The following CCDC102B variants were observed in gnomAD, a reference collection of about 807,000 sequenced individuals.
CCDC102B encodes coiled-coil domain-containing protein 102B.
In CCDC102B, 75 loss-of-function variants were observed where a neutral mutation model predicts 57.4. The ratio of observed to expected loss-of-function variants is 1.31; its 90% confidence interval spans 1.08 to 1.58. The LOEUF (loss-of-function observed/expected upper bound fraction) is 1.58, where lower values mean the gene tolerates loss of function less well. Ranked by LOEUF, CCDC102B falls within the 40% of genes most tolerant of loss-of-function variation. CCDC102B has a pLI of 0.00. For missense variants in CCDC102B, 636 were observed against 582.6 expected (o/e 1.09, Z -0.94); for synonymous variants, 206 against 201.9 (o/e 1.02, Z -0.17).
intron 2 of CCDC102B, among the ~76,000 whole-genome samples, chr18:68,748,769 T>C (rs577772559): frequency 8.5e-4 from 129 of 152,288 alleles, no homozygotes; most frequent in African/African-American, 3.0e-3. Context: ...AAGTGTAAAT[T>C]ATTTATGTAG....
At chr18:68,952,848 G>A (rs1050981934) in intron 6 of CCDC102B, among the ~76,000 whole-genome samples, 1 of 152,080 alleles carries the variant, frequency 6.6e-6, no homozygotes, top group Non-Finnish European at 1.5e-5. Context: ...TATATTGTTT[G>A]AATTTGCATT....
intron 6 of CCDC102B, chr18:68,897,895 C>T (rs1285619491): frequency 9.5e-6 from 2 of 209,500 alleles, no homozygotes; most frequent in South Asian, 6.1e-5. Flanking sequence ...AGTTTCAGAA[C>T]GATTATTTTT....
At chr18:68,863,262 A>G (rs1305380524) in intron 4 of CCDC102B, among the ~76,000 whole-genome samples, 1 of 151,788 alleles carries the variant, frequency 6.6e-6, no homozygotes, top group Non-Finnish European at 1.5e-5. Context: ...TTTATCCTGT[A>G]GAGTTTTAAT....
rs1230693253 is a variant in CCDC102B, at chr18:68,956,461, T to TTA, written c.1264-54463_1264-54462dup. 2.0e-3 allele frequency among the ~76,000 whole-genome samples: 15 copies of TTA among 7,444 alleles called. 1 individual carries two copies. The highest frequency in any genetic ancestry group is 1.4e-3 in the Non-Finnish European group (7 of 4,828). The allele number at this position is 7,444 out of a possible 152,430, so 4.9% of individuals were successfully genotyped here. On this transcript the variant is annotated intron_variant, in intron 6 of 7. Coordinates refer to ENST00000360242, the MANE Select transcript of CCDC102B (RefSeq NM_024781.3). The stretch of plus-strand genomic sequence containing the variant: ...ATATATATTATATATATTATATATT[T>TTA]TATATATATATTATATATATATAAT...
At chr18:68,715,561 CATAATGGGACATCTCTTA>C (rs1346009421) in intron 1 of CCDC102B, 1 of 152,306 alleles carries the variant, frequency 6.6e-6, no homozygotes, top group African/African-American at 2.4e-5. Context: ...AACCTGTTTG[CATAATGGGACATCTCTTA>C]AATGCAGCAA....
intron 6 of CCDC102B, among the ~76,000 whole-genome samples, chr18:68,961,531 C>G (rs2050048455): frequency 6.6e-6 from 1 of 151,628 alleles, no homozygotes; most frequent in Admixed American, 6.6e-5. Flanking sequence ...TAAAATATTA[C>G]AAAATATACT....
intron 6 of CCDC102B, among the ~76,000 whole-genome samples, chr18:68,964,592 T>G (rs1218220455): frequency 6.6e-6 from 1 of 151,888 alleles, no homozygotes; most frequent in Non-Finnish European, 1.5e-5. Context: ...TTTCTTATTG[T>G]CTGCATGACA....
chr18:68,973,499 G>A (rs759349073), intron 6 of CCDC102B, among the ~76,000 whole-genome samples: 4 of 152,008 alleles, frequency 2.6e-5, no homozygotes, highest in Non-Finnish European at 5.9e-5. Flanking sequence ...TAATAAATAC[G>A]TAGCTTAGCA....
chr18:68,914,024 A>T (rs1021964678), intron 6 of CCDC102B, among the ~76,000 whole-genome samples: 5 of 152,240 alleles, frequency 3.3e-5, no homozygotes, highest in African/African-American at 9.6e-5. Context: ...TTTAAAACAT[A>T]GGTAATTTTT....
rs148474279 is a variant in CCDC102B, at chr18:69,011,071, A to G, written c.1401A>G (p.Glu467=). ...AGAAACTAAGATTACGAGTGGAAGA[A>G]CTAAAGCAGGGACTCAATCAAAAAG... is the stretch of plus-strand genomic sequence containing the variant. ...EVKKLRLRVE[E]LKQGLNQKED... Residue 467 remains glutamate, a synonymous_variant, in exon 7 of 8, where the codon GAA becomes GAG. Transcript: ENST00000360242. 3.3e-5 allele frequency: 54 copies of G among 1,613,774 alleles called. No homozygotes were observed. Among genetic ancestry groups the G allele is most frequent in the Admixed American group, 2.2e-4 (13 of 59,978 alleles).
At chr18:68,814,554 T>A (rs1009855010) in intron 1 of CCDC102B, among the ~76,000 whole-genome samples, 4 of 152,128 alleles carry the variant, frequency 2.6e-5, no homozygotes, top group African/African-American at 7.2e-5. Context: ...AGTCATATTA[T>A]TTTCAAAGGA....
chr18:68,817,405 C>T (rs1221710234), intron 1 of CCDC102B, among the ~76,000 whole-genome samples: 1 of 152,206 alleles, frequency 6.6e-6, no homozygotes, highest in Non-Finnish European at 1.5e-5. Context: ...ATTTAGCCTT[C>T]TTCCAAAATA....
chr18:68,811,497 T>C (rs1044942240), intron 1 of CCDC102B, among the ~76,000 whole-genome samples: 15 of 151,988 alleles, frequency 9.9e-5, no homozygotes, highest in African/African-American at 3.6e-4. Flanking sequence ...CACCTGTAAT[T>C]CCAGCTATTC....
At chr18:69,022,984 TAA>T (rs567067081) in intron 7 of CCDC102B, among the ~76,000 whole-genome samples, 33 of 141,950 alleles carry the variant, frequency 2.3e-4, no homozygotes, top group Non-Finnish European at 1.7e-4. Flanking sequence ...CGTGCTTAGT[TAA>T]AAAAAAAAAA....
chr18:69,006,368 T>C (rs986564592), intron 6 of CCDC102B, among the ~76,000 whole-genome samples: 6 of 152,118 alleles, frequency 3.9e-5, no homozygotes, highest in African/African-American at 1.4e-4. Flanking sequence ...AATGAATGGA[T>C]GGTAGCAAAG....
intron 2 of CCDC102B, among the ~76,000 whole-genome samples, chr18:68,837,709 C>T (rs1411013263): frequency 6.6e-6 from 1 of 152,054 alleles, no homozygotes; most frequent in Non-Finnish European, 1.5e-5. Flanking sequence ...ATTAGGCCCA[C>T]CCTAATGACC....
chr18:69,003,824 C>T (rs1057512417), intron 6 of CCDC102B, among the ~76,000 whole-genome samples: 2 of 152,076 alleles, frequency 1.3e-5, no homozygotes, highest in Non-Finnish European at 2.9e-5. Context: ...TTTCTCAATA[C>T]TTGAATATAA....
intron 6 of CCDC102B, chr18:68,908,442 A>T (rs1942292): frequency 0.91 from 138,658 of 152,222 alleles, 63,208 homozygotes; most frequent in East Asian, 0.99. Flanking sequence ...TTTTTCAATG[A>T]TTCTGTGGCG....
intron 2 of CCDC102B, among the ~76,000 whole-genome samples, chr18:68,737,663 C>G (rs531491903): frequency 6.6e-6 from 1 of 152,232 alleles, no homozygotes; most frequent in African/African-American, 2.4e-5. Context: ...AAAAGACATC[C>G]TGGTAGATCA....
Sources: allele counts gnomAD v4.1 joint callset (sites outside exome capture counted in the v4.1 genomes callset), GRCh38; gene constraint gnomAD v4.1.1; transcripts MANE v1.5; gene names NCBI Gene and HGNC (gene_info 2026-07-23, HGNC 2026-07-21).